The following NLGN1 variants were observed in gnomAD, a reference collection of about 807,000 sequenced individuals.
NLGN1 encodes the protein neuroligin 1.
Under a neutral mutation model 65.5 loss-of-function variants are expected in NLGN1, and 12 were observed. The ratio of observed to expected loss-of-function variants is 0.18; its 90% CI spans 0.12 to 0.30. NLGN1 has a LOEUF of 0.30. Among genes scored for constraint, NLGN1 ranks in the 10% least tolerant of loss-of-function variants. The pLI, the probability that NLGN1 is intolerant of heterozygous loss-of-function variation, is 1.00. For missense variants in NLGN1, 750 were observed against 1,007.1 expected (o/e 0.74, Z 3.46); for synonymous variants, 350 against 359.5 (o/e 0.97, Z 0.30).
At chr3:173,908,150 T>C (rs1282440615) in intron 4 of NLGN1, among the ~76,000 whole-genome samples, 1 of 152,212 alleles carries the variant, frequency 6.6e-6, no homozygotes, top group African/African-American at 2.4e-5. Flanking sequence ...AGGGACCATT[T>C]ATACCAAATA....
At chr3:174,060,956 G>C (rs1381491758) in intron 4 of NLGN1, among the ~76,000 whole-genome samples, 2 of 152,012 alleles carry the variant, frequency 1.3e-5, no homozygotes, top group African/African-American at 4.8e-5. Context: ...GTTGAGGGTA[G>C]CTTACCATAT....
intron 2 of NLGN1, among the ~76,000 whole-genome samples, chr3:173,598,589 G>A (rs1405085058): frequency 6.6e-6 from 1 of 152,068 alleles, no homozygotes; most frequent in Non-Finnish European, 1.5e-5. Context: ...GAACTCTTTA[G>A]CCTCTTAATG....
At chr3:173,457,247 G>A (rs915338488) in intron 2 of NLGN1, among the ~76,000 whole-genome samples, 3 of 152,026 alleles carry the variant, frequency 2.0e-5, no homozygotes, top group Non-Finnish European at 2.9e-5. Flanking sequence ...TTTGAGTTGA[G>A]AAGTCAGGCC....
intron 4 of NLGN1, among the ~76,000 whole-genome samples, chr3:174,181,976 C>CAAAAAA (rs551914698): frequency 3.8e-4 from 17 of 44,376 alleles, no homozygotes; most frequent in South Asian, 1.1e-3. Flanking sequence ...GACTTGGTGT[C>CAAAAAA]AAAAAAAAAA....
chr3:174,112,051 G>GAATGCAT (rs1715348035), intron 4 of NLGN1, among the ~76,000 whole-genome samples: 1 of 151,940 alleles, frequency 6.6e-6, no homozygotes, highest in African/African-American at 2.4e-5. Flanking sequence ...AAGACAAACA[G>GAATGCAT]AAGTTCAACA....
At chr3:174,264,272 G>A (rs1747550369) in intron 4 of NLGN1, among the ~76,000 whole-genome samples, 1 of 151,328 alleles carries the variant, frequency 6.6e-6, no homozygotes, top group Non-Finnish European at 1.5e-5. Context: ...ATATCCTGCA[G>A]AGTGTTTTCC....
intron 4 of NLGN1, among the ~76,000 whole-genome samples, chr3:174,136,066 G>T (rs1339236350): frequency 6.6e-6 from 1 of 152,016 alleles, no homozygotes; most frequent in East Asian, 1.9e-4. Flanking sequence ...CTTGTGGAGG[G>T]CTTTGATCTT....
chr3:173,775,943 CAT>C (rs1240519175), intron 3 of NLGN1, among the ~76,000 whole-genome samples: 2 of 152,040 alleles, frequency 1.3e-5, no homozygotes, highest in Non-Finnish European at 2.9e-5. Context: ...GATATGAAAA[CAT>C]AGACTTTTGT....
At chr3:173,873,108 A>G (rs1486962675) in intron 4 of NLGN1, among the ~76,000 whole-genome samples, 1 of 143,298 alleles carries the variant, frequency 7.0e-6, no homozygotes, top group Admixed American at 6.9e-5. Flanking sequence ...TTTTTTTTTG[A>G]GACCGAATCT....
chr3:173,399,403 C>G (rs141405568), intron 1 of NLGN1, among the ~76,000 whole-genome samples: 1 of 152,178 alleles, frequency 6.6e-6, no homozygotes, highest in Non-Finnish European at 1.5e-5. Context: ...TCTTCCACCC[C>G]CAAAGTACTT....
chr3:174,237,151 T>C (rs1741864390), intron 4 of NLGN1, among the ~76,000 whole-genome samples: 1 of 152,176 alleles, frequency 6.6e-6, no homozygotes, highest in Admixed American at 6.5e-5. Flanking sequence ...TTTGCTTTTC[T>C]AATTTAGTGT....
At chr3:173,817,617 A>G (rs1719297460) in intron 4 of NLGN1, among the ~76,000 whole-genome samples, 1 of 152,206 alleles carries the variant, frequency 6.6e-6, no homozygotes, top group South Asian at 2.1e-4. Context: ...AGCATTGTGA[A>G]GAGTTCTTCT....
chr3:173,514,268 G>A (rs1469934810), intron 2 of NLGN1, among the ~76,000 whole-genome samples: 1 of 152,096 alleles, frequency 6.6e-6, no homozygotes, highest in Admixed American at 6.6e-5. Flanking sequence ...TAGGGTACAG[G>A]TGGTTTTTGG....
intron 4 of NLGN1, among the ~76,000 whole-genome samples, chr3:173,829,701 A>G (rs1397818915): frequency 6.6e-6 from 1 of 152,134 alleles, no homozygotes; most frequent in Non-Finnish European, 1.5e-5. Context: ...TCATTTTATA[A>G]CTGAAAGTTT....
chr3:173,486,250 C>T (rs995364455), intron 2 of NLGN1, among the ~76,000 whole-genome samples: 7 of 151,852 alleles, frequency 4.6e-5, no homozygotes, highest in South Asian at 2.1e-4. Context: ...TTAGTAGAGA[C>T]GAGGTTTCAC....
intron 2 of NLGN1, among the ~76,000 whole-genome samples, chr3:173,459,967 A>C (rs553539437): frequency 6.6e-6 from 1 of 152,086 alleles, no homozygotes; most frequent in African/African-American, 2.4e-5. Flanking sequence ...TTTTTATAGC[A>C]TATGTGAATG....
At chr3:174,183,269 G>A (rs1006636686) in intron 4 of NLGN1, among the ~76,000 whole-genome samples, 3 of 152,008 alleles carry the variant, frequency 2.0e-5, no homozygotes, top group Non-Finnish European at 4.4e-5. Flanking sequence ...GTATTTCAAC[G>A]CCTTTTTGAG....
intron 4 of NLGN1, among the ~76,000 whole-genome samples, chr3:173,886,116 C>G (rs1432526536): frequency 6.6e-6 from 1 of 152,096 alleles, no homozygotes; most frequent in Non-Finnish European, 1.5e-5. Flanking sequence ...TATGCAACCA[C>G]TACCAATATT....
intron 4 of NLGN1, among the ~76,000 whole-genome samples, chr3:174,211,013 G>A (rs944292593): frequency 2.0e-4 from 31 of 152,218 alleles, no homozygotes; most frequent in African/African-American, 5.8e-4. Context: ...AAGGTGGCGC[G>A]TCTGGAGTCT....
Sources: gnomAD v4.1 joint callset for allele counts (sites outside exome capture counted in the v4.1 genomes callset) on GRCh38, gnomAD v4.1.1 for gene constraint, MANE v1.5 for transcripts, NCBI Gene and HGNC (gene_info 2026-07-23, HGNC 2026-07-21) for gene names.